The following CIB1 variants were observed in gnomAD, a reference collection of about 807,000 sequenced individuals.
CIB1 encodes calcium and integrin-binding protein 1.
In CIB1, 19 loss-of-function variants were observed where a neutral mutation model predicts 25.0. The ratio of observed to expected loss-of-function variants is 0.76; its 90% CI spans 0.53 to 1.12. The LOEUF (loss-of-function observed/expected upper bound fraction) is 1.12, where lower values mean the gene tolerates loss of function less well. Ranked by LOEUF, CIB1 falls within the 50% of genes most tolerant of loss-of-function variation. The probability of loss-of-function intolerance (pLI) is 0.00; values close to 1 mark genes in which losing one functional copy is unlikely to be tolerated. For synonymous variants in CIB1, 104 were observed against 98.5 expected, an observed-to-expected ratio of 1.06 and a Z score of -0.33; for missense variants, 236 against 242.6, an observed-to-expected ratio of 0.97 and a Z score of 0.18.
At chr15:90,259,989 C>T in the CIB1 span, among the ~76,000 whole-genome samples, 1 of 152,140 alleles carries the variant, frequency 6.6e-6, no homozygotes, top group Non-Finnish European at 1.5e-5. Flanking sequence ...TGATTCCCCA[C>T]GAGAGCCACA....
At chr15:90,264,762 T>C in the CIB1 span, 1 of 1,536,134 alleles carries the variant, frequency 6.5e-7, no homozygotes. Flanking sequence ...AACCGAGTCC[T>C]GGCAGGATCA....
At chr15:90,258,653 A>G in the CIB1 span, 6 of 1,117,146 alleles carry the variant, frequency 5.4e-6, no homozygotes, top group South Asian at 2.6e-5. Flanking sequence ...TGGGAGAGGA[A>G]TATCTTAGAC....
chr15:90,241,546 C>T, the CIB1 span: 35 of 1,613,174 alleles, frequency 2.2e-5, no homozygotes, highest in East Asian at 3.3e-4. Flanking sequence ...GGCTTGGCCT[C>T]GGTGAACCAC....
At chr15:90,233,433 G>A (rs1261559812) in intron 2 of CIB1, among the ~76,000 whole-genome samples, 4 of 152,236 alleles carry the variant, frequency 2.6e-5, no homozygotes, top group African/African-American at 9.6e-5. Context: ...GGGTCAAAGA[G>A]CGCCTAACTT....
chr15:90,234,914 G>A (rs1019504180), upstream of CIB1, among the ~76,000 whole-genome samples: 5 of 152,216 alleles, frequency 3.3e-5, no homozygotes, highest in Non-Finnish European at 7.3e-5. Context: ...CAAACTGCTG[G>A]GAGGAGGAAG....
At chr15:90,236,542 T>C (rs1380101240), upstream of CIB1, among the ~76,000 whole-genome samples, 1 of 152,176 alleles carries the variant, frequency 6.6e-6, no homozygotes, top group Non-Finnish European at 1.5e-5. Flanking sequence ...TTGTAAATTA[T>C]TTTTATTTGT....
At chr15:90,236,060 CAG>C (rs779581873), upstream of CIB1, 6 of 151,882 alleles carry the variant, frequency 4.0e-5, no homozygotes, top group South Asian at 1.2e-3. Flanking sequence ...TTTTTTGAGA[CAG>C]AGTTTCACTC....
chr15:90,259,083 C>T, the CIB1 span: 2 of 1,444,802 alleles, frequency 1.4e-6, no homozygotes. Context: ...AATCACAGGA[C>T]CAGGCTTGGT....
the CIB1 span, among the ~76,000 whole-genome samples, chr15:90,256,610 C>CTTTCTTTCTCT: frequency 2.5e-5 from 1 of 40,418 alleles, no homozygotes; most frequent in Admixed American, 3.3e-4. Context: ...TCTTTCTTTC[C>CTTTCTTTCTCT]TTCCTTCCTT....
chr15:90,234,174 G>C (rs1000868902), upstream of CIB1: 1 of 245,368 alleles, frequency 4.1e-6, no homozygotes, highest in Non-Finnish European at 7.5e-6. Context: ...TGGGAGGGGG[G>C]GGCGGGCCAC....
chr15:90,251,016 G>C, the CIB1 span: 4 of 1,258,728 alleles, frequency 3.2e-6, no homozygotes, highest in Non-Finnish European at 4.4e-6. Flanking sequence ...GGAAATGCTG[G>C]AGTGTCATTA....
chr15:90,237,612 C>T (rs1219481605), upstream of CIB1, among the ~76,000 whole-genome samples: 1 of 152,034 alleles, frequency 6.6e-6, no homozygotes, highest in Non-Finnish European at 1.5e-5. Context: ...TTTGATTTGC[C>T]TTTTCTTATT....
the CIB1 span, among the ~76,000 whole-genome samples, chr15:90,245,962 C>T: frequency 6.6e-6 from 1 of 152,152 alleles, no homozygotes; most frequent in South Asian, 2.1e-4. Flanking sequence ...CCAGGACCTC[C>T]CCACGTTTTT....
chr15:90,264,175 A>G, the CIB1 span: 20 of 663,534 alleles, frequency 3.0e-5, no homozygotes, highest in East Asian at 5.4e-4. Flanking sequence ...AGAATGGGGA[A>G]GTTAGGGTAC....
rs1269468970 is a variant in CIB1 at position 90,233,663 on chromosome 15, A to C, written c.86+6T>G. The C allele has an allele frequency of 6.3e-7, 1 of 1,576,306 alleles. No homozygotes were observed. The highest frequency in any genetic ancestry group is 2.3e-5 in the East Asian group (1 of 42,936). ...GGTCGGAGGCAGGGTTCAAGGCAGCACTTACAGGAGGATCTCCTGCTTCGT... is the reference window on the plus strand; with the variant it reads ...GGTCGGAGGCAGGGTTCAAGGCAGCCCTTACAGGAGGATCTCCTGCTTCGT... On this transcript the variant is annotated splice_donor_region_variant and intron_variant, in intron 2 of 6. Coordinates refer to ENST00000328649, the MANE Select transcript of CIB1 (RefSeq NM_006384.4).
At chr15:90,240,370 T>C in the CIB1 span, among the ~76,000 whole-genome samples, 2 of 150,696 alleles carry the variant, frequency 1.3e-5, no homozygotes, top group African/African-American at 4.9e-5. Flanking sequence ...TAGCCGGGCC[T>C]GGTGGCGGGT....
At chr15:90,263,169 C>T in the CIB1 span, 5 of 1,506,292 alleles carry the variant, frequency 3.3e-6, no homozygotes, top group Non-Finnish European at 4.4e-6. Flanking sequence ...TGAAGTCTCC[C>T]AGAGGAAAAG....
chr15:90,257,492 G>C, the CIB1 span: 1 of 969,836 alleles, frequency 1.0e-6, no homozygotes, highest in Non-Finnish European at 1.5e-6. Context: ...TCTTCCCCAG[G>C]ATCATCTAGA....
chr15:90,253,441 C>T, the CIB1 span: 4 of 1,053,114 alleles, frequency 3.8e-6, no homozygotes, highest in Non-Finnish European at 5.6e-6. Flanking sequence ...CTTGCCCAGG[C>T]ACCCAAGACT....
Sources: allele counts gnomAD v4.1 joint callset (sites outside exome capture counted in the v4.1 genomes callset), GRCh38; gene constraint gnomAD v4.1.1; transcripts MANE v1.5; gene names NCBI Gene and HGNC (gene_info 2026-07-23, HGNC 2026-07-21).